The following TRRAP variants were observed in gnomAD, a reference collection of about 807,000 sequenced individuals.
TRRAP encodes transformation/transcription domain associated protein.
TRRAP carries 41 observed loss-of-function variants against 438.8 expected under a neutral mutation model. The ratio of observed to expected loss-of-function variants is 0.09; its 90% confidence interval spans 0.07 to 0.12. The LOEUF (loss-of-function observed/expected upper bound fraction) is 0.12. Among genes scored for constraint, TRRAP ranks in the 10% least tolerant of loss-of-function variants. TRRAP has a pLI of 1.00. For missense variants in TRRAP, 3,122 were observed against 5,055.1 expected, an observed-to-expected ratio of 0.62 and a Z score of 11.60; for synonymous variants, 1,994 against 1,962.9, an observed-to-expected ratio of 1.02 and a Z score of -0.42.
chr7:98,934,728 G>T (rs577543238), intron 27 of TRRAP, among the ~76,000 whole-genome samples: 1 of 152,116 alleles, frequency 6.6e-6, no homozygotes, highest in African/African-American at 2.4e-5. Context: ...CTGTGTTGGG[G>T]TTTTGTTTTG....
At chr7:98,893,034 C>A (rs764515098) in intron 5 of TRRAP, among the ~76,000 whole-genome samples, 1 of 152,052 alleles carries the variant, frequency 6.6e-6, no homozygotes, top group Non-Finnish European at 1.5e-5. Flanking sequence ...TCACTGCATC[C>A]TCCACCTCCT....
rs55755466 is a variant in TRRAP at position 98,976,962 on chromosome 7, G to A, written c.8271G>A (p.Glu2757=). ...PQQEILDSLA[E]LYSLLQEEDM... Reference sequence around the variant, plus strand: ...AGGAGATACTGGATTCCCTTGCGGAGCTTTACTCCCTGTTACAAGAGGAAG... The same window carrying A: ...AGGAGATACTGGATTCCCTTGCGGAACTTTACTCCCTGTTACAAGAGGAAG... The change falls in exon 56 of 73, where the codon GAG becomes GAA. Residue 2757 remains glutamate, a synonymous_variant. Coordinates refer to ENST00000456197, the MANE Select transcript of TRRAP (RefSeq NM_001375524.1). The surrounding 1 kb of genome is among the most constrained non-coding windows in gnomAD (Gnocchi z 4.6). 1 of 1,614,184 alleles carries A rather than the reference G, an allele frequency of 6.2e-7. No individual in the cohort carries two copies. The highest frequency in any genetic ancestry group is 1.1e-5 in the South Asian group (1 of 91,084).
At chr7:98,977,384 A>T (rs939367112) in intron 56 of TRRAP, among the ~76,000 whole-genome samples, 7 of 151,900 alleles carry the variant, frequency 4.6e-5, no homozygotes, top group Non-Finnish European at 8.8e-5. Context: ...CTGGTCTCGA[A>T]CTCCTGACCT....
At chr7:98,941,483 G>C (rs1790794707) in intron 30 of TRRAP, among the ~76,000 whole-genome samples, 1 of 152,102 alleles carries the variant, frequency 6.6e-6, no homozygotes. Flanking sequence ...TGCTTGATTG[G>C]CTTGAATATT....
intron 66 of TRRAP, 57 bp downstream of exon 66, chr7:98,993,794 G>A (rs1793528822): frequency 4.5e-6 from 7 of 1,545,840 alleles, no homozygotes; most frequent in Non-Finnish European, 5.4e-6. Flanking sequence ...GTGGTGTTCT[G>A]TATGCTTCTG....
chr7:98,975,982 G>A, intron 53 of TRRAP, 167 bp from the exon 54 acceptor site: 2 of 907,636 alleles, frequency 2.2e-6, no homozygotes, highest in Non-Finnish European at 3.2e-6. Context: ...CACCACTCAG[G>A]ATCTGTGGGC....
intron 25 of TRRAP, 100 bp downstream of exon 25, chr7:98,930,930 G>T (rs1790296523): frequency 2.8e-6 from 4 of 1,444,202 alleles, no homozygotes; most frequent in South Asian, 2.6e-5. Context: ...TCTCCTAGCA[G>T]CATGGTGACT....
chr7:98,940,612 A>G (rs1267564245), intron 30 of TRRAP, among the ~76,000 whole-genome samples: 3 of 152,186 alleles, frequency 2.0e-5, no homozygotes, highest in Non-Finnish European at 4.4e-5. Context: ...GCCTAAAATA[A>G]ATCACATGGG....
At position 98,994,827 on chromosome 7, in the gene TRRAP, C is replaced by T. The variant is rs762500484; in HGVS notation, c.10288C>T (p.Leu3430=). The change falls in exon 67 of 73, where the codon CTG becomes TTG. Residue 3430 remains leucine (L), a synonymous_variant. Transcript: ENST00000456197. The surrounding 1 kb of genome is among the most constrained non-coding windows in gnomAD (Gnocchi z 4.8). ...TGCACAAGACCCTGTCTTTCAGAAG[C>T]TGAAAGGCCAGTTCACGACGGGTGA... is the stretch of plus-strand genomic sequence containing the variant. The part of the protein sequence containing the change: ...ATAQDPVFQK[L]KGQFTTDFDF... The T allele has an allele frequency of 6.2e-7, 1 of 1,612,808 alleles. No homozygotes were observed. Among genetic ancestry groups the T allele is most frequent in the East Asian group, 2.2e-5 (1 of 44,838 alleles).
chr7:98,967,979 C>T (rs1237500295), intron 51 of TRRAP, among the ~76,000 whole-genome samples: 3 of 151,274 alleles, frequency 2.0e-5, no homozygotes, highest in Non-Finnish European at 4.4e-5. Flanking sequence ...ATTCTGTCTG[C>T]GTGCCCTAGA....
chr7:98,882,725 G>A (rs1233360522), intron 3 of TRRAP, among the ~76,000 whole-genome samples: 2 of 151,698 alleles, frequency 1.3e-5, no homozygotes, highest in African/African-American at 4.8e-5. Flanking sequence ...GCAGTGGCGT[G>A]ATCTTGGCTC....
Position 99,005,249 on chromosome 7 carries a change from G to A in TRRAP, c.10654G>A (p.Glu3552Lys). Residue 3552 changes from glutamate (E) to lysine (K), a missense_variant, in exon 69 of 73, where the codon GAG becomes AAG. Glu to Lys is a moderately conservative substitution (Grantham distance 56). Transcript: ENST00000456197. The surrounding 1 kb of genome is among the most constrained non-coding windows in gnomAD (Gnocchi z 5.1). ...YLVMNDACLT[E>K]SRREERVLQL... The stretch of plus-strand genomic sequence containing the variant: ...CGTCATGAACGACGCCTGCCTCACA[G>A]AGTCACGGCGAGAGGAGCGTGTGTT... 1 of 1,614,184 alleles carries A rather than the reference G, an allele frequency of 6.2e-7. No individual in the cohort carries two copies. The highest frequency in any genetic ancestry group is 8.5e-7 in the Non-Finnish European group (1 of 1,180,032).
chr7:99,004,445 A>C (rs1794070000), intron 68 of TRRAP, 30 bp downstream of exon 68: 1 of 1,597,806 alleles, frequency 6.3e-7, no homozygotes, highest in Non-Finnish European at 8.6e-7. Context: ...AGGTGGAACT[A>C]ACCCACGGCG....
Position 98,906,247 on chromosome 7 carries a change from G to C in TRRAP, c.1107G>C (p.Glu369Asp). The C allele has an allele frequency of 2.5e-6, 4 of 1,613,822 alleles. No individual in the cohort carries two copies. The highest frequency in any genetic ancestry group is 3.4e-6 in the Non-Finnish European group (4 of 1,179,812). ...TTGGCTCAGGATATACTGCCAGAGA[G>C]ACTCTAAGGTATGAGATTAAACCAG... ...ILIGSGYTAR[E>D]TLRPLAYSTL... Residue 369 changes from glutamate (E) to aspartate (D), a missense_variant, in exon 13 of 73, where the codon GAG (glutamate) becomes GAC (aspartate). By Grantham distance (45) the Glu-to-Asp change is conservative (BLOSUM62 2). Transcript: ENST00000456197.
intron 49 of TRRAP, 129 bp downstream of exon 49, chr7:98,966,024 T>C: frequency 1.8e-6 from 2 of 1,085,302 alleles, no homozygotes; most frequent in Non-Finnish European, 2.7e-6. Context: ...CAGCATCTTT[T>C]CTTAATTAAG....
intron 20 of TRRAP, among the ~76,000 whole-genome samples, chr7:98,920,046 C>CT (rs1362048683): frequency 6.6e-5 from 10 of 152,144 alleles, no homozygotes; most frequent in Non-Finnish European, 1.3e-4. Context: ...ATTAAGAAGC[C>CT]TGTTTGAATC....
intron 56 of TRRAP, among the ~76,000 whole-genome samples, chr7:98,977,798 A>T (rs1170141202): frequency 6.6e-6 from 1 of 152,204 alleles, no homozygotes; most frequent in Non-Finnish European, 1.5e-5. Context: ...TGCTCCGATT[A>T]CTAAAGGATG....
chr7:98,961,102 A>G (rs990702510), intron 45 of TRRAP, among the ~76,000 whole-genome samples, 159 bp from the exon 46 acceptor site: 3 of 152,238 alleles, frequency 2.0e-5, no homozygotes, highest in Non-Finnish European at 4.4e-5. Context: ...TTATAAAGTA[A>G]TCATTCTTGT....
rs1295231292 is a variant in TRRAP at position 98,994,982 on chromosome 7, A to G, written c.10309+134A>G. The G allele has an allele frequency of 3.0e-6, 4 of 1,314,132 alleles. No homozygotes were observed. Among genetic ancestry groups the G allele is most frequent in the Admixed American group, 2.4e-5 (1 of 42,344 alleles). 81.4% of individuals were successfully genotyped at this position (1,314,132 alleles called of 1,614,324 possible). A position where few individuals can be genotyped will look rare whatever the true frequency, so the allele number is the denominator to read the frequency against. ...GGCACACTGGTTACACTCTGTTTAC[A>G]GTGCAGACTTCAGAGTGCATAGCTG... is the stretch of plus-strand genomic sequence containing the variant. On this transcript the variant is annotated intron_variant, in intron 67 of 72. Coordinates refer to ENST00000456197, the MANE Select transcript of TRRAP (RefSeq NM_001375524.1). This position sits in a 1 kb window ranked among gnomAD's most constrained non-coding sequence, Gnocchi z 4.8.
Sources: gnomAD v4.1 joint callset for allele counts (sites outside exome capture counted in the v4.1 genomes callset) on GRCh38, gnomAD v4.1.1 for gene constraint, Gnocchi (gnomAD v3.1) non-coding constraint, MANE v1.5 for transcripts, NCBI Gene and HGNC (gene_info 2026-07-23, HGNC 2026-07-21) for gene names.